SIPA1L1: variants seen among roughly 807,000 people sequenced by gnomAD.
SIPA1L1 encodes the protein signal induced proliferation associated 1 like 1.
SIPA1L1 carries 26 observed loss-of-function variants against 162.7 expected under a neutral mutation model. That is an observed-to-expected ratio of 0.16 (90% CI 0.12 to 0.22). SIPA1L1 has a LOEUF of 0.22. SIPA1L1 is among the 10% of genes least tolerant of loss of function. The pLI is 1.00. For synonymous variants in SIPA1L1, 829 were observed against 837.4 expected (o/e 0.99, Z 0.17); for missense variants, 1,874 against 2,241.0 (o/e 0.84, Z 3.31).
intron 16 of SIPA1L1, 56 bp downstream of exon 16, chr14:71,705,396 G>A: frequency 7.9e-7 from 1 of 1,262,736 alleles, no homozygotes; most frequent in Non-Finnish European, 1.2e-6. Flanking sequence ...TACCTTCCTT[G>A]CACTATGAAA....
At chr14:71,622,118 G>A (rs1453211965) in intron 6 of SIPA1L1, among the ~76,000 whole-genome samples, 2 of 152,118 alleles carry the variant, frequency 1.3e-5, no homozygotes, top group African/African-American at 4.8e-5. Flanking sequence ...AATTTCTCAT[G>A]CAGATAAGAA....
At chr14:71,673,683 A>G (rs995283287) in intron 12 of SIPA1L1, among the ~76,000 whole-genome samples, 19 of 152,182 alleles carry the variant, frequency 1.2e-4, no homozygotes, top group Non-Finnish European at 2.2e-4. Flanking sequence ...GGGATTATGT[A>G]TATATGTCAA....
intron 2 of SIPA1L1, among the ~76,000 whole-genome samples, chr14:71,499,932 T>A (rs2050073719): frequency 6.6e-6 from 1 of 152,220 alleles, no homozygotes; most frequent in South Asian, 2.1e-4. Flanking sequence ...TAACCATTTT[T>A]CACTAAAATA....
At chr14:71,499,979 A>G (rs1368388063) in intron 2 of SIPA1L1, among the ~76,000 whole-genome samples, 1 of 152,304 alleles carries the variant, frequency 6.6e-6, no homozygotes, top group African/African-American at 2.4e-5. Flanking sequence ...AATTATGCCA[A>G]ATTTGTTAGA....
intron 8 of SIPA1L1, among the ~76,000 whole-genome samples, chr14:71,652,285 A>G (rs2042688373): frequency 6.6e-6 from 1 of 152,188 alleles, no homozygotes; most frequent in South Asian, 2.1e-4. Context: ...CAGCCTCTGT[A>G]CACCTCAGCT....
At chr14:71,403,866 G>T (rs973299905) in intron 2 of SIPA1L1, among the ~76,000 whole-genome samples, 1 of 152,034 alleles carries the variant, frequency 6.6e-6, no homozygotes, top group African/African-American at 2.4e-5. Flanking sequence ...TAACACTTCA[G>T]TATGATCACT....
intron 7 of SIPA1L1, among the ~76,000 whole-genome samples, chr14:71,642,847 AT>A (rs1348303865): frequency 6.6e-6 from 1 of 152,184 alleles, no homozygotes; most frequent in African/African-American, 2.4e-5. Context: ...CTTTGTATTT[AT>A]GGATATGAAA....
At chr14:71,491,813 C>CACACACACACACA (rs1555437273) in intron 2 of SIPA1L1, among the ~76,000 whole-genome samples, 29 of 147,836 alleles carry the variant, frequency 2.0e-4, no homozygotes, top group African/African-American at 2.7e-4. Flanking sequence ...CACACACACA[C>CACACACACACACA]CCCTTCCCCC....
chr14:71,588,283 C>T lies in SIPA1L1; in HGVS notation c.411C>T (p.Asn137=). ...CAGCCATGCTGAAAAGCATACAGAA[C>T]ACGCTGAAAAACAAGACAAGACCGT... ...NDSAMLKSIQ[N]TLKNKTRPSE... Residue 137 remains asparagine, a synonymous_variant, in exon 5 of 24, where the codon AAC becomes AAT. Transcript: ENST00000381232. The surrounding 1 kb of genome is among the most constrained non-coding windows in gnomAD (Gnocchi z 4.3). 1 of 1,614,056 alleles carries T rather than the reference C, an allele frequency of 6.2e-7. No individual in the cohort carries two copies. The highest frequency in any genetic ancestry group is 8.5e-7 in the Non-Finnish European group (1 of 1,180,006).
chr14:71,654,066 A>G (rs998260151), intron 8 of SIPA1L1, among the ~76,000 whole-genome samples: 1 of 152,214 alleles, frequency 6.6e-6, no homozygotes, highest in African/African-American at 2.4e-5. Context: ...TTCATGCATT[A>G]TCATCATATT....
At chr14:71,729,919 A>G in intron 19 of SIPA1L1, 136 bp from the exon 20 acceptor site, 1 of 946,102 alleles carries the variant, frequency 1.1e-6, no homozygotes, top group East Asian at 2.4e-5. Context: ...TTGTAGAAAT[A>G]GACAATGAGC....
At chr14:71,680,255 A>G (rs995167489) in intron 12 of SIPA1L1, among the ~76,000 whole-genome samples, 1 of 152,208 alleles carries the variant, frequency 6.6e-6, no homozygotes, top group African/African-American at 2.4e-5. Flanking sequence ...TCAAACTAGA[A>G]CTCAGGATTA....
chr14:71,511,244 C>A (rs2051123064), intron 2 of SIPA1L1, among the ~76,000 whole-genome samples: 1 of 152,086 alleles, frequency 6.6e-6, no homozygotes, highest in African/African-American at 2.4e-5. Context: ...ACTTCTAAAA[C>A]TTCTTGACTG....
intron 2 of SIPA1L1, among the ~76,000 whole-genome samples, chr14:71,418,848 C>T (rs767261585): frequency 2.6e-5 from 4 of 152,132 alleles, no homozygotes; most frequent in Non-Finnish European, 4.4e-5. Context: ...CAGCATGCCA[C>T]GTTCTGGAGC....
chr14:71,505,858 C>T (rs1461453024), intron 2 of SIPA1L1, among the ~76,000 whole-genome samples: 2 of 151,872 alleles, frequency 1.3e-5, no homozygotes, highest in Non-Finnish European at 2.9e-5. Context: ...TATGAAATTA[C>T]CTTCAGGCTA....
chr14:71,463,219 T>C (rs1179741990), intron 2 of SIPA1L1, among the ~76,000 whole-genome samples: 1 of 152,196 alleles, frequency 6.6e-6, no homozygotes, highest in East Asian at 1.9e-4. Context: ...TCTAATGGCT[T>C]CCATTTGGAC....
At chr14:71,603,114 C>T (rs117392132) in intron 5 of SIPA1L1, among the ~76,000 whole-genome samples, 3 of 152,246 alleles carry the variant, frequency 2.0e-5, no homozygotes, top group South Asian at 2.1e-4. Flanking sequence ...CCTTCATTGT[C>T]TCTTACTTTG....
chr14:71,568,197 G>T (rs952870938), intron 4 of SIPA1L1, among the ~76,000 whole-genome samples: 1 of 152,124 alleles, frequency 6.6e-6, no homozygotes. Flanking sequence ...ATTTTACCCA[G>T]CCTCTATACA....
intron 4 of SIPA1L1, among the ~76,000 whole-genome samples, chr14:71,531,140 C>G (rs1252654068): frequency 6.6e-6 from 1 of 152,108 alleles, no homozygotes; most frequent in Non-Finnish European, 1.5e-5. Context: ...GTGGAATGTG[C>G]AGGATACTTA....
Sources: gnomAD v4.1 joint callset for allele counts (sites outside exome capture counted in the v4.1 genomes callset) on GRCh38, gnomAD v4.1.1 for gene constraint, Gnocchi (gnomAD v3.1) non-coding constraint, MANE v1.5 for transcripts, NCBI Gene and HGNC (gene_info 2026-07-23, HGNC 2026-07-21) for gene names.